Variants in SHANK2 observed in about 807,000 individuals in gnomAD.
SHANK2 encodes SH3 and multiple ankyrin repeat domains 2.
Under a neutral mutation model 133.7 loss-of-function variants are expected in SHANK2, and 43 were observed. The ratio of observed to expected loss-of-function variants is 0.32; its 90% CI spans 0.25 to 0.41. The LOEUF (loss-of-function observed/expected upper bound fraction) is 0.41. Among genes scored for constraint, SHANK2 ranks in the 10% least tolerant of loss-of-function variants. SHANK2 has a pLI of 1.00. For synonymous variants in SHANK2, 1,017 were observed against 952.8 expected (o/e 1.07, Z -1.24); for missense variants, 1,994 against 2,235.8 (o/e 0.89, Z 2.18).
In SHANK2 at chr11:70,637,917, A is replaced by G. The variant is rs1466017137; in HGVS notation, c.2061+21911T>C. 2.0e-5 allele frequency among the ~76,000 whole-genome samples: 3 copies of G among 152,254 alleles called. No individual in the cohort carries two copies. In the East Asian group the frequency reaches 5.8e-4, roughly 30 times the overall value. The stretch of plus-strand genomic sequence containing the variant: ...TGCGAGCTGCCCACAGCTCACGCCA[A>G]GCCGGCTTCCGCTCTGTCCATCAAT... On this transcript the variant is annotated intron_variant, in intron 17 of 25. Transcript: ENST00000601538.
At chr11:70,757,135 G>A (rs1397546156) in intron 14 of SHANK2, among the ~76,000 whole-genome samples, 26 of 152,204 alleles carry the variant, frequency 1.7e-4, no homozygotes, top group Admixed American at 1.7e-3. Flanking sequence ...TAGTAGACAA[G>A]TATCTACTGA....
At chr11:71,132,536 G>A (rs538615621) in intron 3 of SHANK2, among the ~76,000 whole-genome samples, 10 of 152,178 alleles carry the variant, frequency 6.6e-5, no homozygotes, top group African/African-American at 2.2e-4. Context: ...CTAAGCCAAC[G>A]ATGAAGAGCA....
Position 70,482,161 on chromosome 11 carries a change from C to T in SHANK2, c.4979+3153G>A, listed in dbSNP as rs2058743169. Among the ~76,000 whole-genome samples the T allele has an allele frequency of 2.0e-5, 3 of 152,266 alleles. No individual in the cohort carries two copies. The South Asian group carries it at 6.2e-4, about 31-fold the overall frequency. On this transcript the variant is annotated intron_variant, in intron 25 of 25. Transcript: ENST00000601538. Reference sequence around the variant, plus strand: ...AATGCTCTTCATCTTTGTCCTCTGGCCTCAGGCCATCCTGTTTCTAGTCCA... The same window carrying T: ...AATGCTCTTCATCTTTGTCCTCTGGTCTCAGGCCATCCTGTTTCTAGTCCA...
chr11:70,488,205 G>A lies in SHANK2; in HGVS notation c.2573-485C>T, dbSNP rs575927084. ...TCAGGCATGGTAAGGGCTCCTGGGG[G>A]TGTTTTTAGGGCAGGGGTCTAAGGC... On this transcript the variant is annotated intron_variant, in intron 24 of 25. Transcript: ENST00000601538. Among the ~76,000 whole-genome samples the A allele has an allele frequency of 2.0e-5, 3 of 152,326 alleles. No individual in the cohort carries two copies. In the East Asian group the frequency reaches 5.8e-4, roughly 29 times the overall value.
intron 17 of SHANK2, among the ~76,000 whole-genome samples, chr11:70,541,031 A>G (rs977854936): frequency 6.6e-6 from 1 of 151,956 alleles, no homozygotes; most frequent in South Asian, 2.1e-4. Context: ...TTCTGTCTCC[A>G]TGGACTTCGC....
intron 14 of SHANK2, among the ~76,000 whole-genome samples, chr11:70,753,522 G>A (rs1565292919): frequency 6.6e-6 from 1 of 152,234 alleles, no homozygotes; most frequent in South Asian, 2.1e-4. Flanking sequence ...AAAGCACAGG[G>A]AGAAAGGAGA....
intron 10 of SHANK2, among the ~76,000 whole-genome samples, chr11:70,903,077 C>T (rs1342679729): frequency 6.6e-6 from 1 of 152,150 alleles, no homozygotes; most frequent in Non-Finnish European, 1.5e-5. Flanking sequence ...AGTGCTTACA[C>T]CTAACATTAA....
intron 1 of SHANK2, among the ~76,000 whole-genome samples, chr11:71,227,630 A>G (rs949368888): frequency 6.6e-6 from 1 of 152,118 alleles, no homozygotes; most frequent in Non-Finnish European, 1.5e-5. Context: ...CAACTTTAAC[A>G]AACCTTTCTC....
chr11:70,596,346 A>G (rs986162413), intron 17 of SHANK2, among the ~76,000 whole-genome samples: 4 of 152,118 alleles, frequency 2.6e-5, no homozygotes, highest in Admixed American at 2.6e-4. Context: ...CATGGGCACC[A>G]GTTCCGGAAG....
At chr11:70,729,189 T>A (rs1356665466) in intron 14 of SHANK2, among the ~76,000 whole-genome samples, 1 of 124,852 alleles carries the variant, frequency 8.0e-6, no homozygotes, top group African/African-American at 3.6e-5. Flanking sequence ...AGAGCAAGAA[T>A]TCATCTAAAA....
At chr11:70,843,436 G>C (rs532589800) in intron 11 of SHANK2, among the ~76,000 whole-genome samples, 7 of 151,944 alleles carry the variant, frequency 4.6e-5, no homozygotes, top group African/African-American at 1.5e-4. Flanking sequence ...GCTGAAATTC[G>C]TATTGTGAGG....
rs924456358 is a variant in SHANK2, at chr11:71,169,778, A to T, written c.-12-22440T>A. On this transcript the variant is annotated intron_variant, in intron 2 of 25. Coordinates refer to ENST00000601538, the MANE Select transcript of SHANK2 (RefSeq NM_012309.5). ...TCAAAAAAAAAAAAAAAAAAAGAGA[A>T]TGTGTGTAAAACTAGATACTGATTT... Among the ~76,000 whole-genome samples, 3 of 151,546 alleles carry T rather than the reference A, an allele frequency of 2.0e-5. No homozygotes were observed. The South Asian group carries it at 6.2e-4, about 32-fold the overall frequency.
At chr11:70,589,744 T>C (rs1385507612) in intron 17 of SHANK2, among the ~76,000 whole-genome samples, 2 of 152,198 alleles carry the variant, frequency 1.3e-5, no homozygotes, top group African/African-American at 2.4e-5. Context: ...GAGGCCAGTA[T>C]GTCAACATGA....
At chr11:71,076,989 GAAGAAAGGA>G (rs1412991730) in intron 8 of SHANK2, among the ~76,000 whole-genome samples, 1 of 152,190 alleles carries the variant, frequency 6.6e-6, no homozygotes, top group Non-Finnish European at 1.5e-5. Flanking sequence ...GCAGGGAGAG[GAAGAAAGGA>G]AAGGAAAGAA....
chr11:70,813,129 G>A (rs1421451536), intron 12 of SHANK2, among the ~76,000 whole-genome samples: 10 of 152,080 alleles, frequency 6.6e-5, no homozygotes, highest in African/African-American at 2.4e-4. Context: ...CAGGCCTCAG[G>A]GAGCTGACGG....
At chr11:70,865,269 C>T (rs1349416610) in intron 11 of SHANK2, among the ~76,000 whole-genome samples, 7 of 152,210 alleles carry the variant, frequency 4.6e-5, no homozygotes, top group African/African-American at 1.7e-4. Context: ...TAAGGAGAGA[C>T]TCAACTTCTA....
intron 4 of SHANK2, among the ~76,000 whole-genome samples, chr11:71,117,115 G>T (rs1380894390): frequency 6.6e-6 from 1 of 152,170 alleles, no homozygotes; most frequent in African/African-American, 2.4e-5. Flanking sequence ...CACCTCCAGG[G>T]TTCAAGCAAT....
At chr11:70,512,678 T>C (rs138415357) in intron 17 of SHANK2, among the ~76,000 whole-genome samples, 3 of 152,358 alleles carry the variant, frequency 2.0e-5, no homozygotes, top group Admixed American at 6.5e-5. Context: ...TGATCTGCAC[T>C]GAACAACCAG....
chr11:70,727,827 T>C (rs1946207504), intron 14 of SHANK2, among the ~76,000 whole-genome samples: 1 of 152,206 alleles, frequency 6.6e-6, no homozygotes, highest in Non-Finnish European at 1.5e-5. Context: ...CCCAAGACGC[T>C]GGATGGGGGC....
Sources: allele counts gnomAD v4.1 joint callset (sites outside exome capture counted in the v4.1 genomes callset), GRCh38; gene constraint gnomAD v4.1.1; transcripts MANE v1.5; gene names NCBI Gene and HGNC (gene_info 2026-07-23, HGNC 2026-07-21).